HOMER2: variants seen among roughly 807,000 people sequenced by gnomAD.
HOMER2 encodes the protein homer protein homolog 2.
In HOMER2, 27 loss-of-function variants were observed where a neutral mutation model predicts 47.0. The ratio of observed to expected loss-of-function variants is 0.57; its 90% CI spans 0.42 to 0.79. The LOEUF is 0.79. HOMER2 is among the 30% of genes least tolerant of loss of function. The pLI is 0.00. For missense variants in HOMER2, 443 were observed against 435.0 expected (o/e 1.02, Z -0.16); for synonymous variants, 161 against 163.8 (o/e 0.98, Z 0.13).
intron 1 of HOMER2, among the ~76,000 whole-genome samples, chr15:82,981,836 AG>A (rs1265749897): frequency 2.6e-5 from 4 of 151,966 alleles, no homozygotes; most frequent in Non-Finnish European, 5.9e-5. Flanking sequence ...GGTGGTTGCT[AG>A]GGGCAGAGGG....
At chr15:82,964,887 A>C (rs1596386566) in intron 1 of HOMER2, among the ~76,000 whole-genome samples, 1 of 152,252 alleles carries the variant, frequency 6.6e-6, no homozygotes, top group Non-Finnish European at 1.5e-5. Flanking sequence ...TGCAGCAGGA[A>C]AAGGTTCCGT....
At chr15:82,979,874 C>A (rs2030331767) in intron 1 of HOMER2, among the ~76,000 whole-genome samples, 1 of 152,014 alleles carries the variant, frequency 6.6e-6, no homozygotes, top group Admixed American at 6.5e-5. Context: ...TTCTCACAAG[C>A]AGGAGTATTT....
chr15:82,964,308 A>T (rs1023739801), intron 1 of HOMER2, among the ~76,000 whole-genome samples: 1 of 151,812 alleles, frequency 6.6e-6, no homozygotes, highest in African/African-American at 2.4e-5. Flanking sequence ...TATCATCACC[A>T]CTCCCTTCCT....
chr15:82,854,864 G>T (rs781726159), intron 5 of HOMER2, 64 bp from the exon 6 acceptor site: 49 of 1,556,568 alleles, frequency 3.1e-5, no homozygotes, highest in Non-Finnish European at 4.3e-5. Context: ...CCGCCCGCGT[G>T]GGGAAGGGGA....
intron 1 of HOMER2, among the ~76,000 whole-genome samples, chr15:82,910,947 G>C (rs2053437244): frequency 6.7e-6 from 1 of 150,122 alleles, no homozygotes. Flanking sequence ...GAGGGTTCAG[G>C]GCTAAGTCCC....
intron 4 of HOMER2, among the ~76,000 whole-genome samples, chr15:82,860,706 G>A (rs886688690): frequency 6.6e-6 from 1 of 152,220 alleles, no homozygotes; most frequent in East Asian, 1.9e-4. Context: ...GGAGGCCAAG[G>A]TAGGCAGATC....
chr15:82,941,919 AAAG>A (rs1389905933), intron 1 of HOMER2, among the ~76,000 whole-genome samples: 5 of 152,170 alleles, frequency 3.3e-5, no homozygotes, highest in African/African-American at 1.2e-4. Context: ...ATGGAAGCTC[AAAG>A]AAGGTCAGCA....
At chr15:82,957,456 C>T (rs999272507), upstream of HOMER2, among the ~76,000 whole-genome samples, 8 of 152,086 alleles carry the variant, frequency 5.3e-5, no homozygotes, top group Non-Finnish European at 1.0e-4. Flanking sequence ...CAAAATGGTT[C>T]TTATATAATC....
intron 1 of HOMER2, 51 bp downstream of exon 1, chr15:82,952,480 G>A: frequency 8.7e-7 from 1 of 1,142,994 alleles, no homozygotes; most frequent in Middle Eastern, 3.5e-4. Flanking sequence ...CCGCGGCCCC[G>A]CAGTCCCTCC....
At chr15:82,920,831 T>G (rs1469449109) in intron 1 of HOMER2, among the ~76,000 whole-genome samples, 4 of 151,916 alleles carry the variant, frequency 2.6e-5, no homozygotes, top group Non-Finnish European at 5.9e-5. Flanking sequence ...CCTACCACTC[T>G]GGGGGTAAAA....
chr15:82,851,456 G>A (rs1057138262), intron 7 of HOMER2, among the ~76,000 whole-genome samples: 1 of 152,228 alleles, frequency 6.6e-6, no homozygotes, highest in African/African-American at 2.4e-5. Flanking sequence ...CAAGGCAGAT[G>A]TTTTTCCGAT....
At chr15:82,900,703 C>A (rs1181935537) in intron 1 of HOMER2, among the ~76,000 whole-genome samples, 2 of 152,194 alleles carry the variant, frequency 1.3e-5, no homozygotes, top group Non-Finnish European at 2.9e-5. Flanking sequence ...AGTGGAGACA[C>A]AGAAATCCTG....
At chr15:82,859,950 TG>T (rs1309053500) in intron 4 of HOMER2, among the ~76,000 whole-genome samples, 2 of 151,906 alleles carry the variant, frequency 1.3e-5, no homozygotes, top group African/African-American at 4.8e-5. Context: ...GCAGTACATA[TG>T]AAAAACAAAA....
chr15:82,984,145 G>A (rs532824293), intron 1 of HOMER2, among the ~76,000 whole-genome samples: 2 of 151,246 alleles, frequency 1.3e-5, no homozygotes, highest in African/African-American at 4.9e-5. Context: ...CCATTCTCCT[G>A]CCTCAGCCTC....
At chr15:82,855,325 CAAAAAAAAA>C (rs1162254209) in intron 5 of HOMER2, among the ~76,000 whole-genome samples, 1 of 61,516 alleles carries the variant, frequency 1.6e-5, no homozygotes, top group Non-Finnish European at 2.7e-5. Context: ...ACTCCATCTC[CAAAAAAAAA>C]AAAAAAAAAA....
At chr15:82,871,428 G>GTCC (rs2052172574) in intron 3 of HOMER2, among the ~76,000 whole-genome samples, 1 of 152,178 alleles carries the variant, frequency 6.6e-6, no homozygotes, top group African/African-American at 2.4e-5. Flanking sequence ...CAGCCTGGCT[G>GTCC]TCCCCTCAGC....
At chr15:82,836,447 G>T (rs1000977794), downstream of HOMER2, among the ~76,000 whole-genome samples, 3 of 152,234 alleles carry the variant, frequency 2.0e-5, no homozygotes, top group African/African-American at 7.2e-5. Flanking sequence ...GCAATACCAT[G>T]CTGCTTCCTG....
At position 82,869,063 on chromosome 15, in the gene HOMER2, C is replaced by T. The variant is rs149001642; in HGVS notation, c.295-4804G>A. ...ATGTAATTAAAAGTAGGTATAAATG[C>T]GACCACAGAACTGCCGCATAGCTGC... On this transcript the variant is annotated intron_variant, in intron 3 of 8. Transcript: ENST00000450735. Among the ~76,000 whole-genome samples the T allele has an allele frequency of 6.2e-3, 951 of 152,286 alleles. 10 individuals are homozygous for T. Among genetic ancestry groups the T allele is most frequent in the Non-Finnish European group, 6.4e-3 (436 of 68,028 alleles).
At position 82,875,466 on chromosome 15, in the gene HOMER2, A is replaced by C. The variant is rs1596317828; in HGVS notation, c.163-62T>G. The C allele has an allele frequency of 2.5e-6, 4 of 1,573,494 alleles. No individual in the cohort carries two copies. The East Asian group carries it at 9.0e-5, about 35-fold the overall frequency. Reference sequence around the variant, plus strand: ...GTTGAATGAGACAAAGTCATTCCTTAGAAAGTCTTCTATTGGCAAAGCCAG... The same window carrying C: ...GTTGAATGAGACAAAGTCATTCCTTCGAAAGTCTTCTATTGGCAAAGCCAG... On this transcript the variant is annotated intron_variant, in intron 2 of 8. Transcript: ENST00000450735.
Sources: gnomAD v4.1 joint callset for allele counts (sites outside exome capture counted in the v4.1 genomes callset) on GRCh38, gnomAD v4.1.1 for gene constraint, MANE v1.5 for transcripts, NCBI Gene and HGNC (gene_info 2026-07-23, HGNC 2026-07-21) for gene names.